TAF5L: variants seen among roughly 807,000 people sequenced by gnomAD.
TAF5L encodes TATA-box binding protein associated factor 5 like.
TAF5L carries 7 observed loss-of-function variants against 51.3 expected under a neutral mutation model. That is an observed-to-expected ratio of 0.14 (90% confidence interval 0.08 to 0.26). The LOEUF (loss-of-function observed/expected upper bound fraction) is 0.26, where lower values mean the gene tolerates loss of function less well. TAF5L is among the 10% of genes least tolerant of loss of function. The pLI is 1.00. For synonymous variants in TAF5L, 291 were observed against 308.1 expected, an observed-to-expected ratio of 0.94 and a Z score of 0.58; for missense variants, 575 against 758.9, an observed-to-expected ratio of 0.76 and a Z score of 2.85.
intron 3 of TAF5L, chr1:229,607,506 T>G (rs1349816180): frequency 4.4e-5 from 43 of 981,060 alleles, no homozygotes; most frequent in Non-Finnish European, 5.2e-5. Context: ...CTCCTCTTCC[T>G]CCTCCTCTTC....
intron 4 of TAF5L, 120 bp from the exon 5 acceptor site, chr1:229,595,214 A>G: frequency 9.5e-7 from 1 of 1,050,368 alleles, no homozygotes; most frequent in Non-Finnish European, 1.4e-6. Flanking sequence ...GGGAAATAGC[A>G]TCTATCCAGC....
chr1:229,607,823 G>A (rs944855198), intron 3 of TAF5L: 1 of 152,260 alleles, frequency 6.6e-6, no homozygotes, highest in African/African-American at 2.4e-5. Context: ...TTGGTTAACT[G>A]CTCTTCAGAG....
At position 229,594,144 on chromosome 1, in the gene TAF5L, G is replaced by A. The variant is rs1323066248; in HGVS notation, c.*153C>T. ...CAACCTTGGCCTTCGACACTGGGGG[G>A]CTGAGTGAAGGGGGACCTGCCCGGA... On this transcript the variant is annotated 3_prime_UTR_variant, in exon 5 of 5. Coordinates refer to ENST00000258281, the Ensembl canonical transcript of TAF5L. This position sits in a 1 kb window ranked among gnomAD's most constrained non-coding sequence, Gnocchi z 7.9. 60 of 844,930 alleles carry A rather than the reference G, an allele frequency of 7.1e-5. 1 individual carries two copies. Among genetic ancestry groups the A allele is most frequent in the Non-Finnish European group, 1.0e-4 (56 of 549,316 alleles). The allele number at this position is 844,930 out of a possible 1,614,324, so 52.3% of individuals were successfully genotyped here.
intron 3 of TAF5L, 103 bp downstream of exon 3, chr1:229,610,003 C>T: frequency 1.1e-6 from 1 of 888,440 alleles, no homozygotes; most frequent in South Asian, 1.7e-5. Context: ...TTTCTTTTTA[C>T]CGCTCCTTGT....
At chr1:229,597,548 G>A (rs1248393567) in intron 4 of TAF5L, among the ~76,000 whole-genome samples, 1 of 152,156 alleles carries the variant, frequency 6.6e-6, no homozygotes, top group Non-Finnish European at 1.5e-5. Context: ...GTCCCACACG[G>A]GCCTCAGCAC....
chr1:229,593,164 CT>C (rs1486581815), exon 5 of TAF5L: 1 of 152,126 alleles, frequency 6.6e-6, no homozygotes, highest in Non-Finnish European at 1.5e-5. Context: ...CAAAATAACT[CT>C]TTTCAGAAAA....
chr1:229,614,545 TA>T, intron 1 of TAF5L, 60 bp from the exon 2 acceptor site: 1 of 1,593,200 alleles, frequency 6.3e-7, no homozygotes, highest in South Asian at 1.1e-5. Context: ...GCAACCTATC[TA>T]ACTGCACCAT....
chr1:229,608,350 A>T (rs1377851395), intron 3 of TAF5L, among the ~76,000 whole-genome samples: 1 of 152,218 alleles, frequency 6.6e-6, no homozygotes, highest in Non-Finnish European at 1.5e-5. Context: ...ATAGTTACAA[A>T]AACGAAAAAT....
chr1:229,624,723 C>G (rs939761010), intron 1 of TAF5L, among the ~76,000 whole-genome samples: 2 of 152,170 alleles, frequency 1.3e-5, no homozygotes, highest in Non-Finnish European at 2.9e-5. Context: ...CTACTGTCAC[C>G]AAGCTCTATC....
At chr1:229,607,489 CA>C (rs1222658358) in intron 3 of TAF5L, 5 of 984,734 alleles carry the variant, frequency 5.1e-6, no homozygotes, top group Non-Finnish European at 6.0e-6. Flanking sequence ...ATTTCTTACC[CA>C]AATTACTCCT....
In TAF5L at chr1:229,616,372, A is replaced by ATTTATTTATTTATTAT. The variant is rs59814285; in HGVS notation, c.-3-1888_-3-1887insATAATAAATAAATAAA. Among the ~76,000 whole-genome samples, 136 of 150,654 alleles carry ATTTATTTATTTATTAT rather than the reference A, an allele frequency of 9.0e-4. 1 individual carries two copies. The highest frequency in any genetic ancestry group is 1.1e-3 in the Non-Finnish European group (77 of 67,698). On this transcript the variant is annotated intron_variant, in intron 1 of 4. Transcript: ENST00000258281. ...TTTCCGGAAGTCTATTTATTTATTT[A>ATTTATTTATTTATTAT]TATTTTTTTTTTTAGTAGAGAAGGG...
chr1:229,600,706 C>T, intron 4 of TAF5L: 3 of 985,442 alleles, frequency 3.0e-6, no homozygotes, highest in Non-Finnish European at 3.6e-6. Context: ...CGGTTCCTCA[C>T]TTCTGAGTCT....
intron 4 of TAF5L, chr1:229,601,814 C>T (rs71652395): frequency 9.8e-6 from 10 of 1,023,728 alleles, no homozygotes; most frequent in Non-Finnish European, 1.1e-5. Flanking sequence ...AATGGAGGCC[C>T]TTCGACTCAG....
At chr1:229,600,711 G>C in intron 4 of TAF5L, 1 of 985,348 alleles carries the variant, frequency 1.0e-6, no homozygotes, top group African/African-American at 1.7e-5. Flanking sequence ...CCTCACTTCT[G>C]AGTCTTCAGA....
At chr1:229,603,329 C>T (rs1238518418) in intron 3 of TAF5L, among the ~76,000 whole-genome samples, 1 of 152,176 alleles carries the variant, frequency 6.6e-6, no homozygotes, top group East Asian at 1.9e-4. Context: ...TTGAGTTCTT[C>T]ACAATTTTTT....
intron 4 of TAF5L, chr1:229,600,992 G>C: frequency 3.0e-6 from 3 of 984,940 alleles, no homozygotes; most frequent in Non-Finnish European, 3.6e-6. Context: ...CTCCCAAAAA[G>C]GGAACTGTCT....
intron 3 of TAF5L, among the ~76,000 whole-genome samples, chr1:229,608,186 A>T (rs938147793): frequency 1.3e-5 from 2 of 152,220 alleles, no homozygotes; most frequent in Admixed American, 1.3e-4. Context: ...ATTTTAAAGC[A>T]AAGAATCTAT....
chr1:229,614,115 C>T (rs1406984801), intron 2 of TAF5L: 3 of 706,314 alleles, frequency 4.2e-6, no homozygotes, highest in Non-Finnish European at 7.4e-6. Flanking sequence ...ATGACTTTAG[C>T]CAGGGGAATC....
Position 229,614,262 on chromosome 1 carries a change from G to C in TAF5L, c.142+79C>G, listed in dbSNP as rs1320040087. 8 of 1,612,410 alleles carry C rather than the reference G, an allele frequency of 5.0e-6. No individual in the cohort carries two copies. The African/African-American group carries it at 1.1e-4, about 22-fold the overall frequency. On this transcript the variant is annotated intron_variant, in intron 2 of 4. Transcript: ENST00000258281. The stretch of plus-strand genomic sequence containing the variant: ...TCTCTCTGGCACTGTCTTGAGAAGA[G>C]GAGAAGTAATTCCACATGGATATTG...
Sources: gnomAD v4.1 joint callset for allele counts (sites outside exome capture counted in the v4.1 genomes callset) on GRCh38, gnomAD v4.1.1 for gene constraint, Gnocchi (gnomAD v3.1) non-coding constraint, MANE v1.5 for transcripts, NCBI Gene and HGNC (gene_info 2026-07-23, HGNC 2026-07-21) for gene names.